The following NDUFA7 variants were observed in gnomAD, a reference collection of about 807,000 sequenced individuals.
The protein encoded by NDUFA7 is NADH:ubiquinone oxidoreductase subunit A7.
A neutral mutation model predicts 14.2 loss-of-function variants in NDUFA7; 18 were observed. The observed-to-expected ratio is 1.27, with a 90% CI of 0.88 to 1.88. NDUFA7 has a LOEUF of 1.88. Ranked by LOEUF, NDUFA7 falls within the 40% of genes most tolerant of loss-of-function variation. The pLI, the probability that NDUFA7 is intolerant of heterozygous loss-of-function variation, is 0.00. For synonymous variants in NDUFA7, 75 were observed against 62.1 expected (o/e 1.21, Z -0.98); for missense variants, 172 against 147.3 (o/e 1.17, Z -0.87).
At chr19:8,321,120 TCCCAGGC>T in intron 1 of NDUFA7, 181 bp downstream of exon 1, 2 of 898,232 alleles carry the variant, frequency 2.2e-6, no homozygotes, top group Non-Finnish European at 3.3e-6. Flanking sequence ...ACTGGGGAAA[TCCCAGGC>T]CTGAGTGGTT....
At chr19:8,318,465 G>A (rs1455329390) in intron 2 of NDUFA7, among the ~76,000 whole-genome samples, 2 of 151,766 alleles carry the variant, frequency 1.3e-5, no homozygotes, top group Non-Finnish European at 1.5e-5. Context: ...AGGAGTTTAA[G>A]ACCAGCTTGG....
rs111822940 is a variant in NDUFA7 at position 8,320,642 on chromosome 19, T to C, written c.101+215A>G. 4.9e-3 allele frequency among the ~76,000 whole-genome samples: 741 copies of C among 152,252 alleles called. 7 individuals are homozygous for C. The highest frequency in any genetic ancestry group is 0.016 in the African/African-American group (656 of 41,538). On this transcript the variant is annotated intron_variant, in intron 2 of 3. Transcript: ENST00000301457. ...GCTGAGCACTGCAAATCTAGCCTGA[T>C]TGCCAGTCAGAATGCACGCCCGGCC...
At chr19:8,313,049 G>A (rs903013786) in intron 3 of NDUFA7, among the ~76,000 whole-genome samples, 4 of 151,996 alleles carry the variant, frequency 2.6e-5, no homozygotes, top group African/African-American at 4.8e-5. Context: ...CTCTCACCTC[G>A]GCCTCCCAAA....
intron 2 of NDUFA7, 71 bp downstream of exon 2, chr19:8,320,785 AG>A: frequency 6.3e-7 from 1 of 1,578,692 alleles, no homozygotes; most frequent in Admixed American, 1.7e-5. Context: ...AGGGGTCTAA[AG>A]GAACACAGAT....
At chr19:8,314,668 C>T (rs1970213243) in intron 3 of NDUFA7, among the ~76,000 whole-genome samples, 1 of 152,196 alleles carries the variant, frequency 6.6e-6, no homozygotes, top group Non-Finnish European at 1.5e-5. Flanking sequence ...AATCCCAGCA[C>T]TTTGGGAGGC....
chr19:8,320,840 G>C lies in NDUFA7; in HGVS notation c.101+17C>G. Reference sequence around the variant, plus strand: ...AGGACAGAGCCAGAGGCTGGGCAGCGAGCGGGGCCTGCTCACCGCTTGGAG... The same window carrying C: ...AGGACAGAGCCAGAGGCTGGGCAGCCAGCGGGGCCTGCTCACCGCTTGGAG... On this transcript the variant is annotated intron_variant, in intron 2 of 3. Coordinates refer to ENST00000301457, the MANE Select transcript of NDUFA7 (RefSeq NM_005001.5). 2 of 1,613,614 alleles carry C rather than the reference G, an allele frequency of 1.2e-6. No individual in the cohort carries two copies. Among genetic ancestry groups the C allele is most frequent in the Non-Finnish European group, 1.7e-6 (2 of 1,179,940 alleles).
chr19:8,316,367 G>A, intron 3 of NDUFA7, 129 bp downstream of exon 3: 3 of 1,339,046 alleles, frequency 2.2e-6, no homozygotes, highest in Non-Finnish European at 3.1e-6. Context: ...GCTCCCAGCA[G>A]CACAGTTCCT....
intron 3 of NDUFA7, among the ~76,000 whole-genome samples, chr19:8,312,212 AC>A (rs1970186803): frequency 6.6e-6 from 1 of 151,808 alleles, no homozygotes; most frequent in African/African-American, 2.4e-5. Flanking sequence ...CTCCCCTCTC[AC>A]CCCACCCACC....
In NDUFA7 at chr19:8,321,337, T is replaced by A. The variant is rs753624288; in HGVS notation, c.22A>T (p.Ile8Phe). The A allele has an allele frequency of 3.8e-6, 6 of 1,579,922 alleles. No homozygotes were observed. Among genetic ancestry groups the A allele is most frequent in the Admixed American group, 1.8e-5 (1 of 55,266 alleles). Residue 8 changes from isoleucine (I) to phenylalanine (F), a missense_variant, in exon 1 of 4, where the codon ATC (isoleucine) becomes TTC (phenylalanine). Coordinates refer to ENST00000301457, the MANE Select transcript of NDUFA7 (RefSeq NM_005001.5). ...GACGCCCAGTTCCGCAGCCGCTGGATGAGACGGGTGGCGGACGCCATCTTC... is the reference window on the plus strand; with the variant it reads ...GACGCCCAGTTCCGCAGCCGCTGGAAGAGACGGGTGGCGGACGCCATCTTC... MASATRL[I>F]QRLRNWASGH...
chr19:8,316,829 A>G, intron 2 of NDUFA7, 184 bp from the exon 3 acceptor site: 2 of 655,222 alleles, frequency 3.1e-6, no homozygotes, highest in Non-Finnish European at 5.1e-6. Context: ...TCCTGGGGCC[A>G]GAAGCAGATG....
intron 3 of NDUFA7, 93 bp from the exon 4 acceptor site, chr19:8,311,688 C>T (rs1970179748): frequency 4.8e-6 from 5 of 1,048,404 alleles, no homozygotes; most frequent in Non-Finnish European, 7.0e-6. Flanking sequence ...AACACACCCA[C>T]AGGGACTTTC....
downstream of NDUFA7, among the ~76,000 whole-genome samples, chr19:8,309,441 T>C (rs1970148422): frequency 6.6e-6 from 1 of 151,164 alleles, no homozygotes; most frequent in South Asian, 2.1e-4. Flanking sequence ...ATCATTGAAC[T>C]CCAGCCTGGG....
Position 8,311,466 on chromosome 19 carries a change from A to C in NDUFA7, c.*39T>G, listed in dbSNP as rs893352526. On this transcript the variant is annotated 3_prime_UTR_variant, in exon 4 of 4. Coordinates refer to ENST00000301457, the MANE Select transcript of NDUFA7 (RefSeq NM_005001.5). ...GTCACATTCTCCCTGGAGGAAATCC[A>C]AGGAGGCAAAGTAGTCGGGTGGCCG... is the stretch of plus-strand genomic sequence containing the variant. 5.9e-6 allele frequency: 9 copies of C among 1,518,242 alleles called. No individual in the cohort carries two copies. Among genetic ancestry groups the C allele is most frequent in the Non-Finnish European group, 6.3e-6 (7 of 1,111,106 alleles). The allele number at this position is 1,518,242 out of a possible 1,614,324, so 94.0% of individuals were successfully genotyped here.
At chr19:8,313,943 C>T (rs948241296) in intron 3 of NDUFA7, among the ~76,000 whole-genome samples, 1 of 152,120 alleles carries the variant, frequency 6.6e-6, no homozygotes, top group African/African-American at 2.4e-5. Flanking sequence ...TATTAGAGTC[C>T]CCATTTAATT....
At chr19:8,316,777 T>A in intron 2 of NDUFA7, 132 bp from the exon 3 acceptor site, 2 of 1,091,948 alleles carry the variant, frequency 1.8e-6, no homozygotes, top group Non-Finnish European at 2.7e-6. Context: ...AGGCTGGGGG[T>A]GTCCCTTGGT....
At chr19:8,313,672 T>C (rs1000281034) in intron 3 of NDUFA7, among the ~76,000 whole-genome samples, 2 of 152,216 alleles carry the variant, frequency 1.3e-5, no homozygotes, top group Non-Finnish European at 2.9e-5. Flanking sequence ...CACCGTGAGT[T>C]GGCTGTAGAG....
At position 8,317,860 on chromosome 19, in the gene NDUFA7, C is replaced by T. The variant is rs76102149; in HGVS notation, c.102-1215G>A. Among the ~76,000 whole-genome samples, 1,024 of 152,134 alleles carry T rather than the reference C, an allele frequency of 6.7e-3. 10 individuals are homozygous for T. The highest frequency in any genetic ancestry group is 8.0e-3 in the Non-Finnish European group (546 of 68,006). On this transcript the variant is annotated intron_variant, in intron 2 of 3. Coordinates refer to ENST00000301457, the MANE Select transcript of NDUFA7 (RefSeq NM_005001.5). ...AATTTTTCTATTGTTTTTGTGGAGT[C>T]GGGGGTCTTGCTATGTTGCCCAGGT... is the stretch of plus-strand genomic sequence containing the variant.
At chr19:8,308,892 G>A (rs1970139824), downstream of NDUFA7, 1 of 151,824 alleles carries the variant, frequency 6.6e-6, no homozygotes, top group African/African-American at 2.4e-5. Context: ...TTGCTTGGGG[G>A]GGAAAAAGGA....
At chr19:8,311,109 T>C (rs923960196), downstream of NDUFA7, among the ~76,000 whole-genome samples, 1 of 152,202 alleles carries the variant, frequency 6.6e-6, no homozygotes, top group African/African-American at 2.4e-5. Flanking sequence ...TAATGGTTTC[T>C]GGCTCAGGGA....
Sources: allele counts gnomAD v4.1 joint callset (sites outside exome capture counted in the v4.1 genomes callset), GRCh38; gene constraint gnomAD v4.1.1; transcripts MANE v1.5; gene names NCBI Gene and HGNC (gene_info 2026-07-23, HGNC 2026-07-21).